Variants in ZNF618 observed in about 807,000 individuals in gnomAD.
The protein encoded by ZNF618 is neural precursor cell expressed, developmentally down-regulated 10.
A neutral mutation model predicts 103.0 loss-of-function variants in ZNF618; 34 were observed. The observed-to-expected ratio is 0.33, with a 90% CI of 0.25 to 0.44. ZNF618 has a LOEUF of 0.44. Ranked by LOEUF, ZNF618 falls within the 20% of genes least tolerant of loss-of-function variation. The probability of loss-of-function intolerance (pLI) is 1.00; values close to 1 mark genes in which losing one functional copy is unlikely to be tolerated. For synonymous variants in ZNF618, 551 were observed against 542.2 expected, an observed-to-expected ratio of 1.02 and a Z score of -0.23; for missense variants, 1,059 against 1,295.4, an observed-to-expected ratio of 0.82 and a Z score of 2.80.
At chr9:113,909,690 T>C (rs1450942340) in intron 1 of ZNF618, among the ~76,000 whole-genome samples, 2 of 152,148 alleles carry the variant, frequency 1.3e-5, no homozygotes, top group African/African-American at 2.4e-5. Flanking sequence ...TTCATTCCTT[T>C]CTCCCGAGTC....
chr9:114,039,356 TTTTC>T (rs1844921844), intron 13 of ZNF618, among the ~76,000 whole-genome samples: 3 of 144,304 alleles, frequency 2.1e-5, no homozygotes, highest in South Asian at 2.2e-4. Context: ...TTTTTTTTTT[TTTTC>T]CTTTGAGACA....
At chr9:113,900,729 T>C (rs1291391812) in intron 1 of ZNF618, among the ~76,000 whole-genome samples, 4 of 137,780 alleles carry the variant, frequency 2.9e-5, no homozygotes, top group Admixed American at 7.1e-5. Context: ...CCCGACCTCC[T>C]GTCTCCTAGC....
rs1491137749 is a variant in ZNF618, at chr9:113,951,466, T to TATGTGTATATATGTACACATATAC, written c.34-17651_34-17650insATGTGTATATATGTACACATATAC. Reference sequence around the variant, plus strand: ...ACATATATGTGTATATATACATATATGTGTGTATGTGTACACATATATGTG... The same window carrying TATGTGTATATATGTACACATATAC: ...ACATATATGTGTATATATACATATATATGTGTATATATGTACACATATACGTGTGTATGTGTACACATATATGTG... On this transcript the variant is annotated intron_variant, in intron 1 of 14. Coordinates refer to ENST00000374126, the MANE Select transcript of ZNF618 (RefSeq NM_001318042.2). Among the ~76,000 whole-genome samples, 92 of 91,108 alleles carry TATGTGTATATATGTACACATATAC rather than the reference T, an allele frequency of 1.0e-3. 2 individuals carry two copies. Among genetic ancestry groups the TATGTGTATATATGTACACATATAC allele is most frequent in the African/African-American group, 2.4e-3 (59 of 24,796 alleles). 59.8% of individuals were successfully genotyped at this position (91,108 alleles called of 152,430 possible).
In ZNF618 at chr9:114,050,331, T is replaced by C; in HGVS notation, c.*164T>C. 1.3e-6 allele frequency: 1 copy of C among 797,566 alleles called. No individual in the cohort carries two copies. The highest frequency in any genetic ancestry group is 1.9e-6 in the Non-Finnish European group (1 of 522,278). The allele number at this position is 797,566 out of a possible 1,614,324, so 49.4% of individuals were successfully genotyped here. A position where few individuals can be genotyped will look rare whatever the true frequency, so the allele number is the denominator to read the frequency against. Reference sequence around the variant, plus strand: ...CTTTTTTTATATGTGTGTGTGTGCGTGTATGTACACAGCCACACGTGTGTG... The same window carrying C: ...CTTTTTTTATATGTGTGTGTGTGCGCGTATGTACACAGCCACACGTGTGTG... On this transcript the variant is annotated 3_prime_UTR_variant, in exon 15 of 15. Coordinates refer to ENST00000374126, the MANE Select transcript of ZNF618 (RefSeq NM_001318042.2).
chr9:114,018,557 T>C (rs531434572), intron 10 of ZNF618, among the ~76,000 whole-genome samples: 1 of 152,328 alleles, frequency 6.6e-6, no homozygotes, highest in East Asian at 1.9e-4. Context: ...GATGGGGAGC[T>C]TGGCTTTGAA....
chr9:114,037,335 G>A (rs117779392), intron 13 of ZNF618, among the ~76,000 whole-genome samples: 1 of 152,122 alleles, frequency 6.6e-6, no homozygotes, highest in African/African-American at 2.4e-5. Context: ...AGACTATGGG[G>A]CAAGCACACT....
chr9:113,990,798 A>T (rs575646582), intron 3 of ZNF618, among the ~76,000 whole-genome samples: 1 of 152,308 alleles, frequency 6.6e-6, no homozygotes, highest in South Asian at 2.1e-4. Flanking sequence ...GGGGTGAACC[A>T]GGAATGTTTG....
At chr9:113,962,621 C>T (rs1448106590) in intron 1 of ZNF618, among the ~76,000 whole-genome samples, 2 of 152,190 alleles carry the variant, frequency 1.3e-5, no homozygotes, top group Admixed American at 6.5e-5. Context: ...CAGGCATGCT[C>T]CTGTCCTGGG....
chr9:113,956,974 T>C (rs544641913), intron 1 of ZNF618, among the ~76,000 whole-genome samples: 76 of 152,194 alleles, frequency 5.0e-4, no homozygotes, highest in Non-Finnish European at 9.1e-4. Flanking sequence ...TCAGTACTGT[T>C]ATTATCTGCA....
At chr9:114,019,835 G>A (rs962595966) in intron 10 of ZNF618, among the ~76,000 whole-genome samples, 38 of 152,250 alleles carry the variant, frequency 2.5e-4, no homozygotes, top group African/African-American at 9.1e-4. Flanking sequence ...ATGAACAGAT[G>A]TCTTTCATTT....
intron 2 of ZNF618, among the ~76,000 whole-genome samples, chr9:113,979,181 G>A (rs1022534981): frequency 6.6e-6 from 1 of 152,224 alleles, no homozygotes; most frequent in African/African-American, 2.4e-5. Context: ...GCAGGAGCCT[G>A]TTAGAAGCAA....
intron 1 of ZNF618, among the ~76,000 whole-genome samples, chr9:113,886,283 A>G (rs1459885227): frequency 2.0e-5 from 3 of 152,140 alleles, no homozygotes; most frequent in African/African-American, 4.8e-5. Flanking sequence ...CCTGTGCCAT[A>G]CAAATTCCTG....
At chr9:113,959,343 A>G (rs814687) in intron 1 of ZNF618, among the ~76,000 whole-genome samples, 9,153 of 152,268 alleles carry the variant, frequency 0.06, 372 homozygotes, top group African/African-American at 0.12. Flanking sequence ...GCCAGATCTA[A>G]GAAAAACCTC....
Position 114,049,195 on chromosome 9 carries a change from G to C in ZNF618, c.1893G>C (p.Met631Ile). 1 of 1,613,742 alleles carries C rather than the reference G, an allele frequency of 6.2e-7. No individual in the cohort carries two copies. The highest frequency in any genetic ancestry group is 8.5e-7 in the Non-Finnish European group (1 of 1,179,874). Residue 631 changes from methionine to isoleucine, a missense_variant, in exon 15 of 15, where the codon ATG becomes ATC. Physicochemically the swap from Met to Ile is conservative, Grantham distance 10. Around this residue, in one of 6 missense-constraint regions of ZNF618, gnomAD observed 272 missense variants for 380.1 expected, o/e 0.72. Transcript: ENST00000374126. ...CGTCCGCCTTCTCCAAGGCCGGCAT[G>C]TGCCTTCGCTGCTCAGCCTGTGCCT... The part of the protein sequence containing the change: ...VSTSAFSKAG[M>I]CLRCSACALN...
rs572077908 is a variant in ZNF618 at position 114,011,380 on chromosome 9, A to C, written c.754+2826A>C. ...CTGTATCTGTAACTAAGTCTGACAG[A>C]CAGCCAACGCCAGGACCTGGGAGGA... On this transcript the variant is annotated intron_variant, in intron 9 of 14. Transcript: ENST00000374126. Among the ~76,000 whole-genome samples, 186 of 152,374 alleles carry C rather than the reference A, an allele frequency of 1.2e-3. 2 individuals carry two copies. The highest frequency in any genetic ancestry group is 5.2e-3 in the South Asian group (25 of 4,828).
At position 114,056,433 on chromosome 9, in the gene ZNF618, T is replaced by C. The variant is rs1846495065; in HGVS notation, c.*6266T>C. On this transcript the variant is annotated 3_prime_UTR_variant, in exon 15 of 15. Coordinates refer to ENST00000374126, the MANE Select transcript of ZNF618 (RefSeq NM_001318042.2). Reference sequence around the variant, plus strand: ...AGTCGCCAAAAGCCCCAGCCCGGGATTCAGTACCTCCCCTGCCCCCCGAAT... The same window carrying C: ...AGTCGCCAAAAGCCCCAGCCCGGGACTCAGTACCTCCCCTGCCCCCCGAAT... 6.6e-6 allele frequency: 1 copy of C among 152,174 alleles called. No individual in the cohort carries two copies. The highest frequency in any genetic ancestry group is 2.4e-5 in the African/African-American group (1 of 41,450). The allele number at this position is 152,174 out of a possible 1,614,324, so 9.4% of individuals were successfully genotyped here.
chr9:113,988,604 A>C, intron 3 of ZNF618, 24 bp downstream of exon 3: 2 of 1,588,574 alleles, frequency 1.3e-6, no homozygotes, highest in Non-Finnish European at 1.7e-6. Context: ...GTCTGTGGTC[A>C]GGGTGGAGAC....
At chr9:113,941,693 T>C (rs1834564270) in intron 1 of ZNF618, among the ~76,000 whole-genome samples, 1 of 152,226 alleles carries the variant, frequency 6.6e-6, no homozygotes, top group Non-Finnish European at 1.5e-5. Flanking sequence ...TCTAGGGGAT[T>C]TTTTTCGTCT....
intron 1 of ZNF618, among the ~76,000 whole-genome samples, chr9:113,946,541 T>C (rs1835050426): frequency 6.6e-6 from 1 of 152,170 alleles, no homozygotes; most frequent in Admixed American, 6.5e-5. Context: ...CCCACCTTTA[T>C]GCCCCTGATG....
Sources: gnomAD v4.1 joint callset for allele counts (sites outside exome capture counted in the v4.1 genomes callset) on GRCh38, gnomAD v4.1.1 for gene constraint, gnomAD v4.1.1 regional missense constraint, MANE v1.5 for transcripts, NCBI Gene and HGNC (gene_info 2026-07-23, HGNC 2026-07-21) for gene names.